Variants in RAB11FIP3 observed in about 807,000 individuals in gnomAD.
The protein encoded by RAB11FIP3 is rab11 family-interacting protein 3.
A neutral mutation model predicts 77.8 loss-of-function variants in RAB11FIP3; 17 were observed. That is an observed-to-expected ratio of 0.22 (90% CI 0.15 to 0.33). The LOEUF (loss-of-function observed/expected upper bound fraction) is 0.33, where lower values mean the gene tolerates loss of function less well. Ranked by LOEUF, RAB11FIP3 falls within the 10% of genes least tolerant of loss-of-function variation. RAB11FIP3 has a pLI of 1.00. For synonymous variants in RAB11FIP3, 437 were observed against 448.2 expected (o/e 0.98, Z 0.31); for missense variants, 1,005 against 1,011.2 (o/e 0.99, Z 0.08).
At chr16:489,296 G>A (rs944491763) in intron 5 of RAB11FIP3, among the ~76,000 whole-genome samples, 2 of 152,220 alleles carry the variant, frequency 1.3e-5, no homozygotes, top group African/African-American at 2.4e-5. Flanking sequence ...GCTGTGGGCC[G>A]TGGATCACAT....
At position 492,216 on chromosome 16, in the gene RAB11FIP3, T is replaced by G. The variant is rs986832927; in HGVS notation, c.1265+3216T>G. Among the ~76,000 whole-genome samples, 15 of 152,138 alleles carry G rather than the reference T, an allele frequency of 9.9e-5. 1 individual carries two copies. The highest frequency in any genetic ancestry group is 6.5e-4 in the Admixed American group (10 of 15,286). On this transcript the variant is annotated intron_variant, in intron 5 of 13. Transcript: ENST00000262305. ...GGCACTTAACTCTTCTTATGTTCTG[T>G]GAAATGCTGTGAAGCACAGGGCCCC...
chr16:428,306 A>G (rs991087458), intron 1 of RAB11FIP3, among the ~76,000 whole-genome samples: 4 of 152,232 alleles, frequency 2.6e-5, no homozygotes, highest in African/African-American at 7.2e-5. Flanking sequence ...ACTTTCCTGT[A>G]TGGTCAGCGT....
chr16:520,302 C>A, intron 12 of RAB11FIP3, 25 bp downstream of exon 12: 1 of 1,546,534 alleles, frequency 6.5e-7, no homozygotes, highest in Non-Finnish European at 8.7e-7. Flanking sequence ...GCCTCCCTCC[C>A]TCACACTCCT....
intron 1 of RAB11FIP3, among the ~76,000 whole-genome samples, chr16:457,527 GA>G: frequency 8.9e-6 from 1 of 111,734 alleles, no homozygotes; most frequent in African/African-American, 3.6e-5. Flanking sequence ...TTTTTTTTTT[GA>G]AAGCCTCTGA....
At chr16:432,406 GTAAAATACTAGTAGA>G (rs1215917631) in intron 1 of RAB11FIP3, among the ~76,000 whole-genome samples, 1 of 151,878 alleles carries the variant, frequency 6.6e-6, no homozygotes, top group Non-Finnish European at 1.5e-5. Context: ...AAACTAGTAG[GTAAAATACTAGTAGA>G]TAAAATAAGA....
rs557143615 is a variant in RAB11FIP3 at position 503,859 on chromosome 16, G to A, written c.1395+762G>A. On this transcript the variant is annotated intron_variant, in intron 7 of 13. Coordinates refer to ENST00000262305, the MANE Select transcript of RAB11FIP3 (RefSeq NM_014700.4). ...TGCACGACTGCACTCCAGCCTGGGCGACAGAGGGAGACTCCGTCTCACCTT... is the reference window on the plus strand; with the variant it reads ...TGCACGACTGCACTCCAGCCTGGGCAACAGAGGGAGACTCCGTCTCACCTT... 4.0e-5 allele frequency among the ~76,000 whole-genome samples: 6 copies of A among 151,786 alleles called. No homozygotes were observed. In the East Asian group the frequency reaches 5.8e-4, roughly 15 times the overall value.
At chr16:485,498 T>C (rs1346367346) in intron 4 of RAB11FIP3, among the ~76,000 whole-genome samples, 6 of 152,152 alleles carry the variant, frequency 3.9e-5, no homozygotes, top group African/African-American at 1.2e-4. Flanking sequence ...CTGCAACCTC[T>C]GCCTCCCAGG....
rs746381003 is a variant in RAB11FIP3 at position 521,230 on chromosome 16, C to A, written c.*391C>A. 4.5e-4 allele frequency: 106 copies of A among 235,628 alleles called. No individual in the cohort carries two copies. Among genetic ancestry groups the A allele is most frequent in the Non-Finnish European group, 7.8e-4 (92 of 118,692 alleles). The allele number at this position is 235,628 out of a possible 1,614,324, so 14.6% of individuals were successfully genotyped here. On this transcript the variant is annotated 3_prime_UTR_variant, in exon 14 of 14. Coordinates refer to ENST00000262305, the MANE Select transcript of RAB11FIP3 (RefSeq NM_014700.4). Reference sequence around the variant, plus strand: ...CGGTGTGGGGTGAGCCCTGCTGTGGCCTCCTTGTGGTGGTCCCTCTTCCCA... The same window carrying A: ...CGGTGTGGGGTGAGCCCTGCTGTGGACTCCTTGTGGTGGTCCCTCTTCCCA...
chr16:449,331 G>A (rs1327324796), intron 1 of RAB11FIP3, among the ~76,000 whole-genome samples: 2 of 152,160 alleles, frequency 1.3e-5, no homozygotes, highest in Non-Finnish European at 2.9e-5. Context: ...GCTCCTTGAG[G>A]TTATAGAACT....
Position 519,821 on chromosome 16 carries a change from AGAG to A in RAB11FIP3, c.1794_1796del (p.Arg599del), listed in dbSNP as rs1567122096. 1.2e-6 allele frequency: 2 copies of A among 1,606,744 alleles called. No homozygotes were observed. Among genetic ancestry groups the A allele is most frequent in the Admixed American group, 1.7e-5 (1 of 58,894 alleles). On this transcript the variant is annotated inframe_deletion, in exon 11 of 14. Transcript: ENST00000262305. ...CGGCTCAGTGAAGAGCAGGAGAACA[AGAG>A]GAGAATGGGGGACAGGCTGAGTCAC...
chr16:463,703 G>T (rs1871925560), intron 2 of RAB11FIP3, among the ~76,000 whole-genome samples: 1 of 152,128 alleles, frequency 6.6e-6, no homozygotes, highest in Non-Finnish European at 1.5e-5. Context: ...CTCCCAAAGT[G>T]CTGGGGTTAC....
intron 7 of RAB11FIP3, among the ~76,000 whole-genome samples, 200 bp downstream of exon 7, chr16:503,297 A>T (rs1310862591): frequency 6.6e-6 from 1 of 152,178 alleles, no homozygotes; most frequent in Non-Finnish European, 1.5e-5. Flanking sequence ...CATGTGAGAA[A>T]AAGGAGTCTT....
At chr16:433,842 C>T (rs989056466) in intron 1 of RAB11FIP3, among the ~76,000 whole-genome samples, 6 of 144,736 alleles carry the variant, frequency 4.1e-5, no homozygotes, top group Non-Finnish European at 7.5e-5. Flanking sequence ...GGTGACAGAG[C>T]GAGACTCTGT....
chr16:460,339 G>T (rs929707696), intron 1 of RAB11FIP3, among the ~76,000 whole-genome samples: 8 of 150,104 alleles, frequency 5.3e-5, no homozygotes, highest in African/African-American at 1.7e-4. Context: ...TTAAGTTTTG[G>T]GGTACATGTG....
intron 1 of RAB11FIP3, among the ~76,000 whole-genome samples, chr16:456,788 A>G (rs569263917): frequency 6.6e-6 from 1 of 152,270 alleles, no homozygotes; most frequent in South Asian, 2.1e-4. Context: ...CAAAAAAACA[A>G]CAACAAATCA....
At chr16:428,883 C>T (rs1287298287) in intron 1 of RAB11FIP3, among the ~76,000 whole-genome samples, 4 of 152,142 alleles carry the variant, frequency 2.6e-5, no homozygotes, top group Non-Finnish European at 5.9e-5. Flanking sequence ...CAAAATTCTT[C>T]ACTCTGAATT....
rs981341224 is a variant in RAB11FIP3, at chr16:472,291, C to T, written c.903+902C>T. Among the ~76,000 whole-genome samples the T allele has an allele frequency of 5.9e-5, 9 of 152,238 alleles. No homozygotes were observed. The highest frequency in any genetic ancestry group is 1.2e-4 in the Non-Finnish European group (8 of 68,030). ...TTGGGTGGGCAGCTTAACTTCTGCC[C>T]ACACAGACCCTGGGGGTGGTTCTGC... On this transcript the variant is annotated intron_variant, in intron 3 of 13. Coordinates refer to ENST00000262305, the MANE Select transcript of RAB11FIP3 (RefSeq NM_014700.4). This position sits in a 1 kb window ranked among gnomAD's most constrained non-coding sequence, Gnocchi z 4.1.
intron 1 of RAB11FIP3, among the ~76,000 whole-genome samples, chr16:440,125 G>A (rs1262339773): frequency 6.6e-6 from 1 of 152,064 alleles, no homozygotes; most frequent in Non-Finnish European, 1.5e-5. Context: ...TTACAGGCGT[G>A]AGCCACCGCG....
At position 482,732 on chromosome 16, in the gene RAB11FIP3, G is replaced by C; in HGVS notation, c.1111G>C (p.Gly371Arg). Residue 371 changes from glycine to arginine, a missense_variant, in exon 4 of 14, where the codon GGC becomes CGC. Around this residue, in one of 4 missense-constraint regions of RAB11FIP3, gnomAD observed 433 missense variants for 436.1 expected, o/e 0.99. Transcript: ENST00000262305. ...PDHGALLLLP[G>R]RPHPHGQSVI... Reference sequence around the variant, plus strand: ...CCATGGTGCCCTGCTGCTGCTCCCAGGCAGGTCTGTACCCCGCCACGGGCC... The same window carrying C: ...CCATGGTGCCCTGCTGCTGCTCCCACGCAGGTCTGTACCCCGCCACGGGCC... 6.2e-7 allele frequency: 1 copy of C among 1,600,822 alleles called. No homozygotes were observed. The highest frequency in any genetic ancestry group is 1.1e-5 in the South Asian group (1 of 89,792).
Sources: allele counts gnomAD v4.1 joint callset (sites outside exome capture counted in the v4.1 genomes callset), GRCh38; gene constraint gnomAD v4.1.1; regional missense constraint gnomAD v4.1.1; non-coding constraint Gnocchi (gnomAD v3.1); transcripts MANE v1.5; gene names NCBI Gene and HGNC (gene_info 2026-07-23, HGNC 2026-07-21).